The following EXOC6B variants were observed in gnomAD, a reference collection of about 807,000 sequenced individuals.
The protein encoded by EXOC6B is exocyst complex component 6B, also known as SEC15 homolog B.
EXOC6B carries 54 observed loss-of-function variants against 113.5 expected under a neutral mutation model. That is an observed-to-expected ratio of 0.48 (90% CI 0.38 to 0.60). EXOC6B has a LOEUF of 0.60. Among genes scored for constraint, EXOC6B ranks in the 20% least tolerant of loss-of-function variants. EXOC6B has a pLI of 0.00. For missense variants in EXOC6B, 797 were observed against 977.5 expected, an observed-to-expected ratio of 0.82 and a Z score of 2.46; for synonymous variants, 357 against 339.0, an observed-to-expected ratio of 1.05 and a Z score of -0.58.
intron 20 of EXOC6B, among the ~76,000 whole-genome samples, chr2:72,212,471 G>C (rs58032693): frequency 0.086 from 13,134 of 152,066 alleles, 916 homozygotes; most frequent in African/African-American, 0.19. Context: ...GATAAAAGAA[G>C]AAAGCAATAA....
At chr2:72,303,645 T>A (rs1159325464) in intron 20 of EXOC6B, among the ~76,000 whole-genome samples, 1 of 152,186 alleles carries the variant, frequency 6.6e-6, no homozygotes, top group Non-Finnish European at 1.5e-5. Context: ...TGAATCTTGG[T>A]CATCTGTGTT....
In EXOC6B at chr2:72,476,051, T is replaced by G. The variant is rs535848757; in HGVS notation, c.1800+4565A>C. On this transcript the variant is annotated intron_variant, in intron 17 of 21. Transcript: ENST00000272427. ...CTCTAAGATGGCGGCTTGCTATAGC[T>G]GCTTAGGTCTCATGGAATGTGTGTG... Among the ~76,000 whole-genome samples the G allele has an allele frequency of 2.6e-5, 4 of 152,272 alleles. No homozygotes were observed. In the South Asian group the frequency reaches 8.3e-4, roughly 32 times the overall value.
intron 1 of EXOC6B, among the ~76,000 whole-genome samples, chr2:72,817,209 A>T (rs147443238): frequency 1.3e-4 from 20 of 152,304 alleles, no homozygotes; most frequent in African/African-American, 4.8e-4. Context: ...TACTATTCTT[A>T]AACCTGCAAA....
chr2:72,779,777 G>C (rs1045072805), intron 1 of EXOC6B, among the ~76,000 whole-genome samples: 1 of 152,218 alleles, frequency 6.6e-6, no homozygotes, highest in South Asian at 2.1e-4. Context: ...AATAACTGAA[G>C]CTGACAAAAA....
chr2:72,340,570 A>T (rs2104903637), intron 19 of EXOC6B, among the ~76,000 whole-genome samples: 1 of 152,328 alleles, frequency 6.6e-6, no homozygotes, highest in Non-Finnish European at 1.5e-5. Flanking sequence ...TCCAGTTTAG[A>T]CAATGGACAC....
At position 72,181,685 on chromosome 2, in the gene EXOC6B, C is replaced by A. The variant is rs183058971; in HGVS notation, c.2310-2224G>T. Among the ~76,000 whole-genome samples, 839 of 152,228 alleles carry A rather than the reference C, an allele frequency of 5.5e-3. 13 individuals carry two copies. Among genetic ancestry groups the A allele is most frequent in the Non-Finnish European group, 7.7e-3 (527 of 68,012 alleles). On this transcript the variant is annotated intron_variant, in intron 21 of 21. Coordinates refer to ENST00000272427, the MANE Select transcript of EXOC6B (RefSeq NM_015189.3). ...GGCTTTTGGCTCCCACAGGGAAGCT[C>A]CTGTAATTATCTAGGAGAAAGAGGG...
At chr2:72,559,426 A>G in intron 8 of EXOC6B, 27 bp downstream of exon 8, 1 of 1,492,180 alleles carries the variant, frequency 6.7e-7, no homozygotes, top group Non-Finnish European at 9.0e-7. Flanking sequence ...GGACATCTTT[A>G]TTAGGCAGAG....
intron 19 of EXOC6B, among the ~76,000 whole-genome samples, chr2:72,359,108 G>A (rs981857095): frequency 3.9e-5 from 6 of 152,104 alleles, no homozygotes; most frequent in South Asian, 4.1e-4. Flanking sequence ...TATGAAATGC[G>A]TATATTTAAA....
At chr2:72,378,291 C>T (rs1260706152) in intron 19 of EXOC6B, among the ~76,000 whole-genome samples, 1 of 152,214 alleles carries the variant, frequency 6.6e-6, no homozygotes, top group Admixed American at 6.5e-5. Flanking sequence ...TGGTACCTTG[C>T]TCCACCAATC....
intron 20 of EXOC6B, among the ~76,000 whole-genome samples, chr2:72,296,015 T>C (rs574597090): frequency 1.3e-5 from 2 of 152,172 alleles, no homozygotes; most frequent in East Asian, 3.9e-4. Context: ...GATGAAGAAT[T>C]CAAGGACTAG....
At chr2:72,672,985 A>C (rs1423842066) in intron 6 of EXOC6B, among the ~76,000 whole-genome samples, 1 of 152,238 alleles carries the variant, frequency 6.6e-6, no homozygotes, top group Non-Finnish European at 1.5e-5. Flanking sequence ...AAGGTGATGG[A>C]TATCCCAATT....
At chr2:72,600,441 C>CAAA (rs57908608) in intron 6 of EXOC6B, among the ~76,000 whole-genome samples, 3 of 87,470 alleles carry the variant, frequency 3.4e-5, no homozygotes, top group African/African-American at 9.2e-5. Context: ...GACCTTATCT[C>CAAA]AAAAAAAAAA....
chr2:72,443,840 A>T (rs971525387), intron 18 of EXOC6B, among the ~76,000 whole-genome samples: 1 of 152,146 alleles, frequency 6.6e-6, no homozygotes, highest in African/African-American at 2.4e-5. Context: ...TGGGAATTAC[A>T]GGAGCTATAA....
At chr2:72,277,743 C>T (rs1036787076) in intron 20 of EXOC6B, among the ~76,000 whole-genome samples, 11 of 152,166 alleles carry the variant, frequency 7.2e-5, no homozygotes, top group African/African-American at 1.4e-4. Context: ...ATCCTACTGC[C>T]TCAGCCTCCC....
intron 21 of EXOC6B, 132 bp downstream of exon 21, chr2:72,183,943 C>T (rs1055411951): frequency 5.4e-6 from 3 of 555,270 alleles, no homozygotes; most frequent in Non-Finnish European, 9.8e-6. Flanking sequence ...GCTGACAGCA[C>T]CCAGGGCCTA....
chr2:72,426,504 G>A (rs1695202006), intron 18 of EXOC6B, among the ~76,000 whole-genome samples: 1 of 152,118 alleles, frequency 6.6e-6, no homozygotes, highest in South Asian at 2.1e-4. Flanking sequence ...TTATAAGAGG[G>A]GAGTTTAAGT....
intron 17 of EXOC6B, 28 bp from the exon 18 acceptor site, chr2:72,465,367 T>A: frequency 6.5e-7 from 1 of 1,532,632 alleles, no homozygotes; most frequent in Non-Finnish European, 8.8e-7. Flanking sequence ...ATTTGAAAAA[T>A]CACTCAGATT....
At chr2:72,288,692 A>C (rs200640222) in intron 20 of EXOC6B, 2 of 65,458 alleles carry the variant, frequency 3.1e-5, no homozygotes, top group African/African-American at 5.7e-4. Flanking sequence ...TGATAGAAAT[A>C]TATATATATA....
At chr2:72,190,192 C>T (rs1370692725) in intron 20 of EXOC6B, among the ~76,000 whole-genome samples, 1 of 151,882 alleles carries the variant, frequency 6.6e-6, no homozygotes, top group Non-Finnish European at 1.5e-5. Context: ...CCACTATGAC[C>T]AGGTTAACTT....
Sources: gnomAD v4.1 joint callset for allele counts (sites outside exome capture counted in the v4.1 genomes callset) on GRCh38, gnomAD v4.1.1 for gene constraint, MANE v1.5 for transcripts, NCBI Gene and HGNC (gene_info 2026-07-23, HGNC 2026-07-21) for gene names.